UNC5B: variants seen among roughly 807,000 people sequenced by gnomAD.
UNC5B encodes unc-5 netrin receptor B.
UNC5B carries 56 observed loss-of-function variants against 103.7 expected under a neutral mutation model. The ratio of observed to expected loss-of-function variants is 0.54; its 90% confidence interval spans 0.44 to 0.67. The LOEUF is 0.67. Ranked by LOEUF, UNC5B falls within the 30% of genes least tolerant of loss-of-function variation. The probability of loss-of-function intolerance (pLI) is 0.00; values close to 1 mark genes in which losing one functional copy is unlikely to be tolerated. For synonymous variants in UNC5B, 577 were observed against 542.0 expected (o/e 1.06, Z -0.90); for missense variants, 1,194 against 1,284.5 (o/e 0.93, Z 1.08).
chr10:71,230,038 C>G (rs1414324706), intron 1 of UNC5B, among the ~76,000 whole-genome samples: 1 of 150,966 alleles, frequency 6.6e-6, no homozygotes, highest in Non-Finnish European at 1.5e-5. Flanking sequence ...ACAGAGCTAC[C>G]TCCTGACCTA....
At chr10:71,244,497 A>G (rs2132262642) in intron 1 of UNC5B, among the ~76,000 whole-genome samples, 1 of 152,250 alleles carries the variant, frequency 6.6e-6, no homozygotes, top group East Asian at 1.9e-4. Flanking sequence ...CAGAAGAGTC[A>G]TATCCTTCTT....
rs192375107 is a variant in UNC5B, at chr10:71,302,812, T to C, written c.*3535T>C. 41 of 152,332 alleles carry C rather than the reference T, an allele frequency of 2.7e-4. No homozygotes were observed. The highest frequency in any genetic ancestry group is 9.9e-4 in the African/African-American group (41 of 41,582). The allele number at this position is 152,332 out of a possible 1,614,324, so 9.4% of individuals were successfully genotyped here. ...CTATAAATAACCTTTAGCATTCCTA[T>C]TGTAACAAAATTAATTTTTATGAAA... On this transcript the variant is annotated 3_prime_UTR_variant, in exon 17 of 17. Coordinates refer to ENST00000335350, the MANE Select transcript of UNC5B (RefSeq NM_170744.5).
At chr10:71,227,360 C>A (rs34227071) in intron 1 of UNC5B, among the ~76,000 whole-genome samples, 3 of 151,202 alleles carry the variant, frequency 2.0e-5, no homozygotes, top group African/African-American at 7.3e-5. Context: ...TAAGTGGGAG[C>A]TAAGCTATGA....
intron 1 of UNC5B, among the ~76,000 whole-genome samples, chr10:71,257,526 G>A (rs1156817448): frequency 6.6e-6 from 1 of 152,208 alleles, no homozygotes; most frequent in Admixed American, 6.5e-5. Flanking sequence ...TGGCAAGAAG[G>A]CATATCCCTG....
At chr10:71,225,536 G>C (rs1264115241) in intron 1 of UNC5B, among the ~76,000 whole-genome samples, 1 of 152,192 alleles carries the variant, frequency 6.6e-6, no homozygotes, top group Non-Finnish European at 1.5e-5. Context: ...CGTCAGAGAA[G>C]GTTAGTGTCA....
intron 1 of UNC5B, among the ~76,000 whole-genome samples, chr10:71,242,685 G>T (rs1843931775): frequency 1.3e-5 from 2 of 152,236 alleles, no homozygotes; most frequent in Non-Finnish European, 2.9e-5. Context: ...GGCAGGCCAG[G>T]AGTGCCCAGT....
At chr10:71,220,071 C>G (rs1843422088) in intron 1 of UNC5B, among the ~76,000 whole-genome samples, 1 of 152,148 alleles carries the variant, frequency 6.6e-6, no homozygotes, top group South Asian at 2.1e-4. Flanking sequence ...GAGAACAAAC[C>G]CTCTGGCCCC....
Position 71,301,632 on chromosome 10 carries a change from AC to A in UNC5B, c.*2356del, listed in dbSNP as rs1254172045. ...ACCAGGCTAGACCACACGTGCCGTG[AC>A]AGGGGGTGCCATTCCCCTCGCAGGC... is the stretch of plus-strand genomic sequence containing the variant. On this transcript the variant is annotated 3_prime_UTR_variant, in exon 17 of 17. Coordinates refer to ENST00000335350, the MANE Select transcript of UNC5B (RefSeq NM_170744.5). 1 of 152,258 alleles carries A rather than the reference AC, an allele frequency of 6.6e-6. No homozygotes were observed. Among genetic ancestry groups the A allele is most frequent in the Non-Finnish European group, 1.5e-5 (1 of 68,064 alleles). 9.4% of individuals were successfully genotyped at this position (152,258 alleles called of 1,614,324 possible).
intron 1 of UNC5B, among the ~76,000 whole-genome samples, chr10:71,228,366 A>G (rs1337556053): frequency 6.6e-6 from 1 of 151,510 alleles, no homozygotes; most frequent in Admixed American, 6.6e-5. Flanking sequence ...TATTACATGA[A>G]CATTTTTAAA....
chr10:71,299,431 AC>A lies in UNC5B; in HGVS notation c.*156del, dbSNP rs1316563042. On this transcript the variant is annotated 3_prime_UTR_variant, in exon 17 of 17. Coordinates refer to ENST00000335350, the MANE Select transcript of UNC5B (RefSeq NM_170744.5). ...CCTCTTCCCCAACCCCCAGACCATG[AC>A]CAGCCTTAGAAAATCCATGTACTCT... 4 of 887,370 alleles carry A rather than the reference AC, an allele frequency of 4.5e-6. No homozygotes were observed. The highest frequency in any genetic ancestry group is 2.6e-5 in the East Asian group (1 of 38,582). The allele number at this position is 887,370 out of a possible 1,614,324, so 55.0% of individuals were successfully genotyped here. A position where few individuals can be genotyped will look rare whatever the true frequency, so the allele number is the denominator to read the frequency against.
rs116787916 is a variant in UNC5B, at chr10:71,279,879, G to A, written c.138G>A (p.Pro46=). 6.2e-3 allele frequency: 9,964 copies of A among 1,613,948 alleles called. 162 individuals carry two copies. The highest frequency in any genetic ancestry group is 0.026 in the Middle Eastern group (157 of 6,040). ...PDSFPSAPAE[P]LPYFLQEPQD... is the part of the protein sequence containing the mutation. Reference sequence around the variant, plus strand: ...CCTTCCCGTCAGCGCCAGCAGAGCCGCTGCCCTACTTCCTGCAGGAGCCAC... The same window carrying A: ...CCTTCCCGTCAGCGCCAGCAGAGCCACTGCCCTACTTCCTGCAGGAGCCAC... The change falls in exon 2 of 17, where the codon CCG becomes CCA. Residue 46 remains proline, a synonymous_variant. Transcript: ENST00000335350.
intron 1 of UNC5B, among the ~76,000 whole-genome samples, chr10:71,250,546 T>C (rs1388500815): frequency 6.6e-6 from 1 of 152,196 alleles, no homozygotes; most frequent in Non-Finnish European, 1.5e-5. Flanking sequence ...GTGGCTGTTT[T>C]GAAAGTTTGA....
chr10:71,296,726 A>G lies in UNC5B; in HGVS notation c.2474A>G (p.His825Arg), dbSNP rs1564515969. The G allele has an allele frequency of 2.5e-6, 4 of 1,610,146 alleles. No individual in the cohort carries two copies. The highest frequency in any genetic ancestry group is 3.4e-6 in the Non-Finnish European group (4 of 1,178,372). The change falls in exon 15 of 17, where the codon CAT becomes CGT. Residue 825 changes from histidine (H) to arginine (R), a missense_variant. Transcript: ENST00000335350. ...GGGGAGGGCCAGATATTCCAGCTGC[A>G]TACCACTCTGGCAGAGGTGAGGGAA... ...VEGEGQIFQL[H>R]TTLAETPAGS...
intron 1 of UNC5B, among the ~76,000 whole-genome samples, chr10:71,271,570 G>T (rs1844646238): frequency 6.6e-6 from 1 of 152,230 alleles, no homozygotes; most frequent in South Asian, 2.1e-4. Context: ...CTTGGGGGTG[G>T]AAGTCAGGGT....
Position 71,299,417 on chromosome 10 carries a change from A to G in UNC5B, c.*140A>G, listed in dbSNP as rs1845532872. 2 of 1,011,654 alleles carry G rather than the reference A, an allele frequency of 2.0e-6. No homozygotes were observed. The highest frequency in any genetic ancestry group is 1.5e-5 in the South Asian group (1 of 64,734). 62.7% of individuals were successfully genotyped at this position (1,011,654 alleles called of 1,614,324 possible). A position where few individuals can be genotyped will look rare whatever the true frequency, so the allele number is the denominator to read the frequency against. On this transcript the variant is annotated 3_prime_UTR_variant, in exon 17 of 17. Transcript: ENST00000335350. ...TTGCCTCTCCTCCTCCTCTTCCCCAACCCCCAGACCATGACCAGCCTTAGA... is the reference window on the plus strand; with the variant it reads ...TTGCCTCTCCTCCTCCTCTTCCCCAGCCCCCAGACCATGACCAGCCTTAGA...
chr10:71,212,830 G>A lies in UNC5B; in HGVS notation c.-156G>A. 1.9e-6 allele frequency: 1 copy of A among 517,332 alleles called. No individual in the cohort carries two copies. Among genetic ancestry groups the A allele is most frequent in the Non-Finnish European group, 2.9e-6 (1 of 339,756 alleles). 32.0% of individuals were successfully genotyped at this position (517,332 alleles called of 1,614,324 possible). On this transcript the variant is annotated 5_prime_UTR_variant, in exon 1 of 17. It adds an upstream start codon to the 5' untranslated region. Coordinates refer to ENST00000335350, the MANE Select transcript of UNC5B (RefSeq NM_170744.5). The stretch of plus-strand genomic sequence containing the variant: ...AGTGCCAGGCGGCCCTCCGCGCAGC[G>A]TGGCTTCCGCTGCCCCCACGGAAGG...
In UNC5B at chr10:71,225,456, A is replaced by G. The variant is rs139092988; in HGVS notation, c.79+12392A>G. On this transcript the variant is annotated intron_variant, in intron 1 of 16. Transcript: ENST00000335350. ...CAAGAGTTTTAGCCACTTCTCATCCATCTTTGTGCCCCCATACCCTGACCC... is the reference window on the plus strand; with the variant it reads ...CAAGAGTTTTAGCCACTTCTCATCCGTCTTTGTGCCCCCATACCCTGACCC... Among the ~76,000 whole-genome samples, 811 of 152,176 alleles carry G rather than the reference A, an allele frequency of 5.3e-3. 9 individuals carry two copies. Among genetic ancestry groups the G allele is most frequent in the African/African-American group, 0.019 (774 of 41,524 alleles).
At chr10:71,218,877 T>A (rs1843393879) in intron 1 of UNC5B, among the ~76,000 whole-genome samples, 1 of 152,154 alleles carries the variant, frequency 6.6e-6, no homozygotes, top group Non-Finnish European at 1.5e-5. Context: ...GAGAACCCCA[T>A]CTCAGGCTGA....
chr10:71,231,668 A>G (rs1200573118), intron 1 of UNC5B, among the ~76,000 whole-genome samples: 1 of 151,908 alleles, frequency 6.6e-6, no homozygotes, highest in Non-Finnish European at 1.5e-5. Flanking sequence ...TTTAATGCAC[A>G]TGCCTGGCCT....
Sources: allele counts gnomAD v4.1 joint callset (sites outside exome capture counted in the v4.1 genomes callset), GRCh38; gene constraint gnomAD v4.1.1; transcripts MANE v1.5; gene names NCBI Gene and HGNC (gene_info 2026-07-23, HGNC 2026-07-21).